The following METTL15 variants were observed in gnomAD, a reference collection of about 807,000 sequenced individuals.
METTL15 encodes 12S rRNA N(4)-cytidine methyltransferase METTL15.
In METTL15, 34 loss-of-function variants were observed where a neutral mutation model predicts 38.3. That is an observed-to-expected ratio of 0.89 (90% confidence interval 0.68 to 1.18). METTL15 has a LOEUF of 1.18. Ranked by LOEUF, METTL15 falls within the 50% of genes most tolerant of loss-of-function variation. The pLI, the probability that METTL15 is intolerant of heterozygous loss-of-function variation, is 0.00. For missense variants in METTL15, 438 were observed against 498.4 expected, an observed-to-expected ratio of 0.88 and a Z score of 1.15; for synonymous variants, 162 against 170.9, an observed-to-expected ratio of 0.95 and a Z score of 0.41.
At chr11:28,264,133 A>T (rs184827641) in intron 4 of METTL15, among the ~76,000 whole-genome samples, 14 of 152,266 alleles carry the variant, frequency 9.2e-5, no homozygotes, top group Non-Finnish European at 1.6e-4. Context: ...AAATCTTGTG[A>T]TTCACATTGT....
intron 6 of METTL15, among the ~76,000 whole-genome samples, chr11:28,324,254 T>G (rs867269569): frequency 6.6e-6 from 1 of 152,212 alleles, no homozygotes. Context: ...GCATTAATCT[T>G]TGGGGAAAAA....
chr11:28,480,552 A>G (rs1379966146), intron 6 of METTL15, among the ~76,000 whole-genome samples: 1 of 152,234 alleles, frequency 6.6e-6, no homozygotes, highest in Non-Finnish European at 1.5e-5. Flanking sequence ...TCTCGTAAGC[A>G]GTACAAGCTG....
At chr11:28,386,126 G>A (rs1850438057) in intron 5 of METTL15, among the ~76,000 whole-genome samples, 1 of 151,888 alleles carries the variant, frequency 6.6e-6, no homozygotes, top group African/African-American at 2.4e-5. Flanking sequence ...CACAGAAAAC[G>A]AGAAAGAAAT....
intron 3 of METTL15, among the ~76,000 whole-genome samples, chr11:28,159,935 GTATT>G (rs1850396440): frequency 1.3e-5 from 2 of 152,140 alleles, no homozygotes; most frequent in Admixed American, 6.6e-5. Context: ...AGGATACAAA[GTATT>G]TATCCTAGTT....
At chr11:28,165,381 G>A (rs1850622181) in intron 3 of METTL15, among the ~76,000 whole-genome samples, 1 of 152,046 alleles carries the variant, frequency 6.6e-6, no homozygotes, top group Non-Finnish European at 1.5e-5. Context: ...CCATTCTACA[G>A]TTATAAGGTG....
At chr11:28,261,919 A>T (rs546411702) in intron 4 of METTL15, among the ~76,000 whole-genome samples, 1 of 152,204 alleles carries the variant, frequency 6.6e-6, no homozygotes, top group Non-Finnish European at 1.5e-5. Context: ...ATTGCTGTCT[A>T]TGTTTTTGTA....
chr11:28,390,525 G>T (rs1030736323), intron 5 of METTL15, among the ~76,000 whole-genome samples: 22 of 152,294 alleles, frequency 1.4e-4, no homozygotes, highest in African/African-American at 4.6e-4. Flanking sequence ...GTTTGTCAAA[G>T]ATCAGATAGT....
intron 4 of METTL15, among the ~76,000 whole-genome samples, chr11:28,278,550 TA>T (rs1283495308): frequency 6.6e-6 from 1 of 152,232 alleles, no homozygotes; most frequent in Middle Eastern, 3.2e-3. Flanking sequence ...GGTCTTGGCG[TA>T]AATCTAAGAA....
At chr11:28,522,094 T>A (rs1851769594) in intron 6 of METTL15, among the ~76,000 whole-genome samples, 1 of 152,150 alleles carries the variant, frequency 6.6e-6, no homozygotes, top group South Asian at 2.1e-4. Context: ...GCACACACAA[T>A]AGGAAAGCTC....
intron 4 of METTL15, among the ~76,000 whole-genome samples, chr11:28,226,116 T>G (rs1383537134): frequency 6.6e-6 from 1 of 151,946 alleles, no homozygotes; most frequent in African/African-American, 2.4e-5. Flanking sequence ...CCATTTCATT[T>G]CTATATTTTA....
chr11:28,425,233 A>C (rs1189641676), intron 6 of METTL15, among the ~76,000 whole-genome samples: 1 of 152,190 alleles, frequency 6.6e-6, no homozygotes, highest in Non-Finnish European at 1.5e-5. Context: ...TCACCCATCC[A>C]TCTATTCATT....
chr11:28,507,476 A>G (rs1851638602), intron 6 of METTL15, among the ~76,000 whole-genome samples: 1 of 152,194 alleles, frequency 6.6e-6, no homozygotes, highest in African/African-American at 2.4e-5. Flanking sequence ...AGACTTGGGC[A>G]GGGTAACAAA....
chr11:28,171,426 T>C (rs1850853395), intron 3 of METTL15, among the ~76,000 whole-genome samples: 1 of 152,148 alleles, frequency 6.6e-6, no homozygotes, highest in Non-Finnish European at 1.5e-5. Flanking sequence ...AGAGAGGATG[T>C]ATATGAAAAG....
chr11:28,286,802 C>T (rs989664713), intron 4 of METTL15, among the ~76,000 whole-genome samples: 2 of 151,678 alleles, frequency 1.3e-5, no homozygotes, highest in East Asian at 3.9e-4. Context: ...TTATTTTACT[C>T]ATATTAATAT....
intron 3 of METTL15, chr11:28,123,796 T>C: frequency 8.2e-7 from 1 of 1,215,276 alleles, no homozygotes; most frequent in Non-Finnish European, 1.1e-6. Flanking sequence ...TAGGTTTCTA[T>C]ATAATTAAAT....
chr11:28,230,525 T>C (rs1039593313), intron 4 of METTL15, among the ~76,000 whole-genome samples: 4 of 151,968 alleles, frequency 2.6e-5, no homozygotes, highest in African/African-American at 9.7e-5. Context: ...TAGAAAGACT[T>C]CATTTTATCT....
chr11:28,213,863 G>T (rs1852749760), intron 4 of METTL15, among the ~76,000 whole-genome samples: 1 of 151,804 alleles, frequency 6.6e-6, no homozygotes, highest in Admixed American at 6.6e-5. Context: ...CACCGTGTTA[G>T]CCAAGATGGT....
chr11:28,521,165 T>G (rs879491027), intron 6 of METTL15, among the ~76,000 whole-genome samples: 1 of 152,178 alleles, frequency 6.6e-6, no homozygotes, highest in Non-Finnish European at 1.5e-5. Flanking sequence ...CAACCTGAGG[T>G]CCTGTACAAT....
intron 3 of METTL15, among the ~76,000 whole-genome samples, chr11:28,205,341 G>C (rs950725388): frequency 6.6e-6 from 1 of 150,534 alleles, no homozygotes; most frequent in African/African-American, 2.5e-5. Flanking sequence ...CCACCTATGG[G>C]TGAGACTATG....
Sources: gnomAD v4.1 joint callset for allele counts (sites outside exome capture counted in the v4.1 genomes callset) on GRCh38, gnomAD v4.1.1 for gene constraint, MANE v1.5 for transcripts, NCBI Gene and HGNC (gene_info 2026-07-23, HGNC 2026-07-21) for gene names.